The following TRAPPC9 variants were observed in gnomAD, a reference collection of about 807,000 sequenced individuals.
TRAPPC9 encodes the protein trafficking protein particle complex subunit 9.
TRAPPC9 carries 83 observed loss-of-function variants against 124.0 expected under a neutral mutation model. The ratio of observed to expected loss-of-function variants is 0.67; its 90% CI spans 0.56 to 0.80. The LOEUF (loss-of-function observed/expected upper bound fraction) is 0.80, where lower values mean the gene tolerates loss of function less well. Ranked by LOEUF, TRAPPC9 falls within the 30% of genes least tolerant of loss-of-function variation. The probability of loss-of-function intolerance (pLI) is 0.00; values close to 1 mark genes in which losing one functional copy is unlikely to be tolerated. For synonymous variants in TRAPPC9, 638 were observed against 617.5 expected (o/e 1.03, Z -0.49); for missense variants, 1,302 against 1,508.3 (o/e 0.86, Z 2.27).
At chr8:139,936,562 G>T (rs1156368030) in intron 19 of TRAPPC9, among the ~76,000 whole-genome samples, 2 of 152,232 alleles carry the variant, frequency 1.3e-5, no homozygotes, top group Non-Finnish European at 2.9e-5. Flanking sequence ...CCTGAGCAAG[G>T]GCAGGGCACC....
rs533032795 is a variant in TRAPPC9 at position 140,220,451 on chromosome 8, T to G, written c.2556+1008A>C. ...ACCAAGCTGCCGTGCAAACAGAAGC[T>G]CTCCAGGAATGGGGCACTCCCCGCT... On this transcript the variant is annotated intron_variant, in intron 17 of 22. Transcript: ENST00000438773. Among the ~76,000 whole-genome samples the G allele has an allele frequency of 2.0e-5, 3 of 152,006 alleles. No homozygotes were observed. In the South Asian group the frequency reaches 6.2e-4, roughly 32 times the overall value.
intron 5 of TRAPPC9, among the ~76,000 whole-genome samples, chr8:140,414,685 G>C (rs1282243601): frequency 6.6e-6 from 1 of 152,104 alleles, no homozygotes; most frequent in Non-Finnish European, 1.5e-5. Context: ...AAATTAAATA[G>C]CACACAGCTA....
intron 16 of TRAPPC9, among the ~76,000 whole-genome samples, chr8:140,237,152 G>T (rs1050824475): frequency 6.6e-6 from 1 of 151,934 alleles, no homozygotes; most frequent in African/African-American, 2.4e-5. Flanking sequence ...CTGCACTCTG[G>T]CCTAGGCGAA....
chr8:140,455,321 T>C (rs1373274661), intron 1 of TRAPPC9, among the ~76,000 whole-genome samples: 1 of 144,626 alleles, frequency 6.9e-6, no homozygotes, highest in East Asian at 2.1e-4. Flanking sequence ...TCCGTGGAGA[T>C]AGGGTTTTGC....
At chr8:140,113,917 G>A (rs1050389738) in intron 17 of TRAPPC9, among the ~76,000 whole-genome samples, 3 of 152,128 alleles carry the variant, frequency 2.0e-5, no homozygotes, top group African/African-American at 7.2e-5. Flanking sequence ...CTGCACCCAC[G>A]CTTCCCACTC....
intron 17 of TRAPPC9, among the ~76,000 whole-genome samples, chr8:140,152,663 C>T (rs1250627702): frequency 2.6e-5 from 4 of 152,058 alleles, no homozygotes; most frequent in Admixed American, 6.6e-5. Context: ...CCACTGCGCC[C>T]GGCCATGTTG....
chr8:139,746,185 G>A (rs1049166369), intron 21 of TRAPPC9, among the ~76,000 whole-genome samples: 6 of 152,202 alleles, frequency 3.9e-5, no homozygotes, highest in Non-Finnish European at 8.8e-5. Flanking sequence ...TGCCCCCTCC[G>A]TGAGGCAGTT....
intron 21 of TRAPPC9, among the ~76,000 whole-genome samples, chr8:139,805,540 G>A (rs537996689): frequency 1.5e-4 from 23 of 152,350 alleles, no homozygotes; most frequent in Admixed American, 6.5e-4. Context: ...GTGTGGGCTT[G>A]GCACTGTGCT....
intron 5 of TRAPPC9, among the ~76,000 whole-genome samples, chr8:140,419,860 C>G (rs572274862): frequency 4.0e-5 from 6 of 151,328 alleles, no homozygotes; most frequent in African/African-American, 1.5e-4. Flanking sequence ...CACTCCAGAT[C>G]GGGGGACAGA....
intron 18 of TRAPPC9, among the ~76,000 whole-genome samples, chr8:139,998,264 A>G (rs1015339148): frequency 1.3e-5 from 2 of 152,270 alleles, no homozygotes; most frequent in Admixed American, 1.3e-4. Flanking sequence ...AGGAAAATTA[A>G]GAATCTCAGT....
chr8:140,063,410 C>T lies in TRAPPC9; in HGVS notation c.2557-39331G>A, dbSNP rs151319875. Among the ~76,000 whole-genome samples, 22 of 152,256 alleles carry T rather than the reference C, an allele frequency of 1.4e-4. No individual in the cohort carries two copies. The highest frequency in any genetic ancestry group is 4.1e-4 in the South Asian group (2 of 4,820). On this transcript the variant is annotated intron_variant, in intron 17 of 22. Transcript: ENST00000438773. The surrounding 1 kb of genome is among the most constrained non-coding windows in gnomAD (Gnocchi z 4.3). ...GTACTCACTTTGAGAAATAATCCTA[C>T]GGCCATCTTGTTCTTAGAGCTCCTA...
At chr8:140,107,468 C>A (rs1286242362) in intron 17 of TRAPPC9, among the ~76,000 whole-genome samples, 1 of 152,198 alleles carries the variant, frequency 6.6e-6, no homozygotes, top group African/African-American at 2.4e-5. Flanking sequence ...AACTAAGTAA[C>A]TGGAGAACTG....
In TRAPPC9 at chr8:140,367,714, T is replaced by C. The variant is rs568875100; in HGVS notation, c.1351+3250A>G. 8.1e-4 allele frequency among the ~76,000 whole-genome samples: 124 copies of C among 152,260 alleles called. 1 individual carries two copies. Among genetic ancestry groups the C allele is most frequent in the Non-Finnish European group, 1.6e-3 (111 of 68,024 alleles). ...GTACACCACCAAGAGTGAACCCTAA[T>C]GTAAACTACGAACTTTGGGTGATGA... On this transcript the variant is annotated intron_variant, in intron 8 of 22. Coordinates refer to ENST00000438773, the MANE Select transcript of TRAPPC9 (RefSeq NM_001160372.4).
chr8:140,128,990 T>C (rs866713577), intron 17 of TRAPPC9, among the ~76,000 whole-genome samples: 96 of 134,316 alleles, frequency 7.1e-4, no homozygotes, highest in East Asian at 2.4e-3. Context: ...TATATATACA[T>C]ATATATATAT....
chr8:139,794,520 T>C (rs558892626), intron 21 of TRAPPC9, among the ~76,000 whole-genome samples: 1 of 152,128 alleles, frequency 6.6e-6, no homozygotes, highest in Non-Finnish European at 1.5e-5. Context: ...TGAGCTGAGG[T>C]GCTGGCATTT....
intron 12 of TRAPPC9, among the ~76,000 whole-genome samples, chr8:140,288,989 G>A (rs558179970): frequency 3.0e-4 from 46 of 152,290 alleles, no homozygotes; most frequent in South Asian, 1.5e-3. Flanking sequence ...GATGTTGGGA[G>A]CCCGAGTTCT....
intron 21 of TRAPPC9, among the ~76,000 whole-genome samples, chr8:139,847,621 C>T (rs1007606337): frequency 6.7e-5 from 10 of 148,598 alleles, no homozygotes; most frequent in African/African-American, 2.3e-4. Flanking sequence ...ACCCAGCCTG[C>T]GGATGGGCAC....
At chr8:140,234,173 C>T (rs1472100857) in intron 16 of TRAPPC9, among the ~76,000 whole-genome samples, 3 of 152,206 alleles carry the variant, frequency 2.0e-5, no homozygotes, top group African/African-American at 7.2e-5. Flanking sequence ...CATAGGATCA[C>T]AAACCCCACT....
chr8:139,747,799 G>C (rs1586753181), intron 21 of TRAPPC9, among the ~76,000 whole-genome samples: 1 of 68,304 alleles, frequency 1.5e-5, no homozygotes, highest in Non-Finnish European at 2.8e-5. Context: ...GGCGTACAGG[G>C]GTCAGAGTGG....
Sources: allele counts gnomAD v4.1 joint callset (sites outside exome capture counted in the v4.1 genomes callset), GRCh38; gene constraint gnomAD v4.1.1; non-coding constraint Gnocchi (gnomAD v3.1); transcripts MANE v1.5; gene names NCBI Gene and HGNC (gene_info 2026-07-23, HGNC 2026-07-21).